RIBC2: variants seen among roughly 807,000 people sequenced by gnomAD.
RIBC2 encodes the protein RIB43A domain with coiled-coils 2.
A neutral mutation model predicts 44.3 loss-of-function variants in RIBC2; 40 were observed. The observed-to-expected ratio is 0.90, with a 90% CI of 0.70 to 1.18. The LOEUF (loss-of-function observed/expected upper bound fraction) is 1.18. Ranked by LOEUF, RIBC2 falls within the 50% of genes most tolerant of loss-of-function variation. The pLI, the probability that RIBC2 is intolerant of heterozygous loss-of-function variation, is 0.00. For missense variants in RIBC2, 459 were observed against 485.5 expected, an observed-to-expected ratio of 0.95 and a Z score of 0.51; for synonymous variants, 171 against 175.0, an observed-to-expected ratio of 0.98 and a Z score of 0.18.
intron 1 of RIBC2, 118 bp from the exon 2 acceptor site, chr22:45,414,204 A>G: frequency 6.7e-7 from 1 of 1,482,670 alleles, no homozygotes; most frequent in Non-Finnish European, 8.9e-7. Flanking sequence ...CCCCTGAGCC[A>G]GATTTTCTAC....
chr22:45,422,897 G>A (rs976274541), intron 4 of RIBC2, among the ~76,000 whole-genome samples: 1 of 151,642 alleles, frequency 6.6e-6, no homozygotes, highest in Non-Finnish European at 1.5e-5. Flanking sequence ...CTAAACTCTG[G>A]CCCCCCTCCT....
At chr22:45,422,876 C>T (rs2087500214) in intron 4 of RIBC2, among the ~76,000 whole-genome samples, 1 of 152,090 alleles carries the variant, frequency 6.6e-6, no homozygotes, top group African/African-American at 2.4e-5. Flanking sequence ...CTGAGACCTC[C>T]CACCTCCTCT....
chr22:45,414,540 A>G, intron 2 of RIBC2, 137 bp downstream of exon 2: 3 of 527,782 alleles, frequency 5.7e-6, no homozygotes, highest in South Asian at 2.8e-5. Context: ...GGGTCTCACT[A>G]TGTTGCCCAG....
chr22:45,417,994 A>G, intron 3 of RIBC2, 48 bp downstream of exon 3: 1 of 1,223,662 alleles, frequency 8.2e-7, no homozygotes. Context: ...TCTTCAACAA[A>G]CCAACCCTAC....
At chr22:45,426,281 C>G (rs5765345) in intron 5 of RIBC2, 106 bp downstream of exon 5, 508,599 of 959,806 alleles carry the variant, frequency 0.53, 141,201 homozygotes, top group African/African-American at 0.88. Context: ...TCTGCCCTAG[C>G]ACCTGCCCTC....
intron 6 of RIBC2, 129 bp from the exon 7 acceptor site, chr22:45,432,155 G>T: frequency 3.4e-6 from 2 of 581,320 alleles, no homozygotes; most frequent in Non-Finnish European, 6.1e-6. Flanking sequence ...CATTAGGTAT[G>T]AAACGTATTC....
chr22:45,425,722 C>A lies in RIBC2; in HGVS notation c.676-226C>A, dbSNP rs561354384. ...CCGGAGCTCTTATGCATACACCCAACAGGTGGTGATCCCCCGAGTCCAGCC... is the reference window on the plus strand; with the variant it reads ...CCGGAGCTCTTATGCATACACCCAAAAGGTGGTGATCCCCCGAGTCCAGCC... On this transcript the variant is annotated intron_variant, in intron 4 of 6. Coordinates refer to ENST00000614167, the MANE Select transcript of RIBC2 (RefSeq NM_015653.5). Among the ~76,000 whole-genome samples the A allele has an allele frequency of 6.6e-5, 10 of 152,306 alleles. No homozygotes were observed. In the South Asian group the frequency reaches 1.7e-3, roughly 25 times the overall value.
chr22:45,428,523 G>T (rs1454814962), intron 5 of RIBC2, among the ~76,000 whole-genome samples: 3 of 152,118 alleles, frequency 2.0e-5, no homozygotes, highest in Non-Finnish European at 4.4e-5. Flanking sequence ...GCTAGTTGAG[G>T]GCTTGGTGTG....
rs1416409039 is a variant in RIBC2 at position 45,414,303 on chromosome 22, T to G, written c.130-19T>G. Reference sequence around the variant, plus strand: ...AATGATCTGGCTCTAACCCTTCTCCTCTGTTTTTCCATTTATAGGGAGACA... The same window carrying G: ...AATGATCTGGCTCTAACCCTTCTCCGCTGTTTTTCCATTTATAGGGAGACA... On this transcript the variant is annotated intron_variant, in intron 1 of 6. Transcript: ENST00000614167. 1 of 1,543,700 alleles carries G rather than the reference T, an allele frequency of 6.5e-7. No individual in the cohort carries two copies. The highest frequency in any genetic ancestry group is 8.7e-7 in the Non-Finnish European group (1 of 1,144,204).
chr22:45,419,748 C>T (rs1385474392), intron 3 of RIBC2, among the ~76,000 whole-genome samples: 4 of 150,852 alleles, frequency 2.7e-5, no homozygotes, highest in Non-Finnish European at 4.4e-5. Flanking sequence ...AAAAAAAGAC[C>T]GGGCACAGTG....
rs527401031 is a variant in RIBC2 at position 45,416,831 on chromosome 22, T to A, written c.212-771T>A. Among the ~76,000 whole-genome samples the A allele has an allele frequency of 5.9e-5, 9 of 152,138 alleles. No homozygotes were observed. The South Asian group carries it at 1.9e-3, about 32-fold the overall frequency. On this transcript the variant is annotated intron_variant, in intron 2 of 6. Transcript: ENST00000614167. ...TTATTAGCATTTTAAATATTTTGCCTTCGATTCATTGGATGTTTCCCACCT... is the reference window on the plus strand; with the variant it reads ...TTATTAGCATTTTAAATATTTTGCCATCGATTCATTGGATGTTTCCCACCT...
intron 6 of RIBC2, 96 bp downstream of exon 6, chr22:45,431,162 C>T (rs2087577457): frequency 7.2e-7 from 1 of 1,395,422 alleles, no homozygotes; most frequent in Non-Finnish European, 9.7e-7. Context: ...GGAGGGGAAA[C>T]ACCCCGCCCT....
At chr22:45,420,425 C>T (rs2087467013) in intron 3 of RIBC2, among the ~76,000 whole-genome samples, 1 of 152,140 alleles carries the variant, frequency 6.6e-6, no homozygotes. Context: ...CTTAATTTTT[C>T]TCCATAGCCT....
At chr22:45,418,542 C>T (rs937273924) in intron 3 of RIBC2, among the ~76,000 whole-genome samples, 3 of 152,202 alleles carry the variant, frequency 2.0e-5, no homozygotes, top group Non-Finnish European at 2.9e-5. Flanking sequence ...TGCCTGCACT[C>T]GAGCAGCACT....
intron 4 of RIBC2, 39 bp downstream of exon 4, chr22:45,422,447 G>T (rs772943987): frequency 2.1e-6 from 3 of 1,423,492 alleles, no homozygotes; most frequent in South Asian, 2.3e-5. Flanking sequence ...ACGACTGGAG[G>T]GGAGGATGAG....
chr22:45,430,779 G>T (rs1467367241), intron 5 of RIBC2, 121 bp from the exon 6 acceptor site: 2 of 1,259,840 alleles, frequency 1.6e-6, no homozygotes, highest in Non-Finnish European at 2.1e-6. Context: ...TCACCTACCT[G>T]CTCGTCCTCT....
At chr22:45,424,745 T>C in intron 4 of RIBC2, among the ~76,000 whole-genome samples, 1 of 134,168 alleles carries the variant, frequency 7.5e-6, no homozygotes, top group Non-Finnish European at 1.6e-5. Context: ...TGCTCACATT[T>C]CTTTTTTCTT....
Position 45,429,718 on chromosome 22 carries a change from A to G in RIBC2, c.904-1182A>G, listed in dbSNP as rs550093534. 2.4e-4 allele frequency among the ~76,000 whole-genome samples: 36 copies of G among 152,292 alleles called. No individual in the cohort carries two copies. The South Asian group carries it at 7.5e-3, about 32-fold the overall frequency. Reference sequence around the variant, plus strand: ...GGTCCAGGGCCCTGCTCTGTGCTTCAGGACTGCCGCTCTGCCTGGACCATC... The same window carrying G: ...GGTCCAGGGCCCTGCTCTGTGCTTCGGGACTGCCGCTCTGCCTGGACCATC... On this transcript the variant is annotated intron_variant, in intron 5 of 6. Transcript: ENST00000614167.
chr22:45,416,619 G>A (rs1351853619), intron 2 of RIBC2, among the ~76,000 whole-genome samples: 1 of 151,860 alleles, frequency 6.6e-6, no homozygotes, highest in Non-Finnish European at 1.5e-5. Context: ...GTGCCACCAA[G>A]CCCAGCTAAT....
Sources: gnomAD v4.1 joint callset for allele counts (sites outside exome capture counted in the v4.1 genomes callset) on GRCh38, gnomAD v4.1.1 for gene constraint, MANE v1.5 for transcripts, NCBI Gene and HGNC (gene_info 2026-07-23, HGNC 2026-07-21) for gene names.